STAG3: variants seen among roughly 807,000 people sequenced by gnomAD.
STAG3 encodes STAG3 cohesin complex component.
A neutral mutation model predicts 160.7 loss-of-function variants in STAG3; 101 were observed. That is an observed-to-expected ratio of 0.63 (90% CI 0.54 to 0.74). STAG3 has a LOEUF of 0.74. STAG3 is among the 30% of genes least tolerant of loss of function. STAG3 has a pLI of 0.00. For synonymous variants in STAG3, 519 were observed against 585.0 expected (o/e 0.89, Z 1.63); for missense variants, 1,188 against 1,517.4 (o/e 0.78, Z 3.61).
chr7:100,196,243 TA>T (rs1800680338), intron 9 of STAG3, among the ~76,000 whole-genome samples: 1 of 152,080 alleles, frequency 6.6e-6, no homozygotes, highest in Non-Finnish European at 1.5e-5. Context: ...AATGTGGAAT[TA>T]AAACACACTC....
chr7:100,186,056 C>G lies in STAG3; in HGVS notation c.337-144C>G, dbSNP rs570274351. 4 of 725,194 alleles carry G rather than the reference C, an allele frequency of 5.5e-6. No individual in the cohort carries two copies. The African/African-American group carries it at 7.1e-5, about 13-fold the overall frequency. 44.9% of individuals were successfully genotyped at this position (725,194 alleles called of 1,614,324 possible). Reference sequence around the variant, plus strand: ...ATTTTTGGCCTATATGAAATTTTACCTTTCATTCTAGTTCACCAGTACATT... The same window carrying G: ...ATTTTTGGCCTATATGAAATTTTACGTTTCATTCTAGTTCACCAGTACATT... On this transcript the variant is annotated intron_variant, in intron 4 of 33. Coordinates refer to ENST00000615138, the MANE Select transcript of STAG3 (RefSeq NM_001282717.2).
chr7:100,202,450 C>A lies in STAG3; in HGVS notation c.2564-4C>A. 1 of 1,612,640 alleles carries A rather than the reference C, an allele frequency of 6.2e-7. No individual in the cohort carries two copies. ...GATTCCCTTTTGCCTTCCATGTGAG[C>A]CAGGTGATTCCCAGGAGGATCATTT... On this transcript the variant is annotated splice_region_variant and splice_polypyrimidine_tract_variant and intron_variant, in intron 24 of 33. Transcript: ENST00000615138.
chr7:100,210,891 A>G (rs559684812), intron 29 of STAG3, 120 bp from the exon 30 acceptor site: 109 of 1,069,504 alleles, frequency 1.0e-4, no homozygotes, highest in East Asian at 9.2e-4. Flanking sequence ...ATGAAGCTGT[A>G]TAAGTTTTCC....
chr7:100,208,646 A>G (rs891970699), intron 29 of STAG3, among the ~76,000 whole-genome samples: 2 of 152,192 alleles, frequency 1.3e-5, no homozygotes, highest in African/African-American at 4.8e-5. Flanking sequence ...CGCTCTGCCT[A>G]AAGCGTAGGG....
chr7:100,198,088 AC>A lies in STAG3; in HGVS notation c.1168del (p.Arg390GlyfsTer21). 6.2e-7 allele frequency: 1 copy of A among 1,613,918 alleles called. No homozygotes were observed. The highest frequency in any genetic ancestry group is 1.1e-5 in the South Asian group (1 of 91,070). ...TGAGTGACTTTCTCCTTTCTGCAGG[AC>A]CGGATGGTTTCCATGGTCATGGACA... ...RLELFTSRFK[D>X]RMVSMVMDRE... On this transcript the variant is annotated frameshift_variant and splice_region_variant, in exon 12 of 34. Transcript: ENST00000615138. LOFTEE classifies it high-confidence loss of function.
Position 100,200,440 on chromosome 7 carries a change from TCAATCATC to T in STAG3, c.1771-12_1771-5del, listed in dbSNP as rs1459939985. On this transcript the variant is annotated splice_polypyrimidine_tract_variant and splice_region_variant and intron_variant, in intron 17 of 33. Coordinates refer to ENST00000615138, the MANE Select transcript of STAG3 (RefSeq NM_001282717.2). ...GTCAGCTTGTAAGGAGGCCTCCCTG[TCAATCATC>T]ACAGTTCTCAGCTGATGCAGAGAAG... The T allele has an allele frequency of 6.2e-7, 1 of 1,613,936 alleles. No homozygotes were observed. Among genetic ancestry groups the T allele is most frequent in the East Asian group, 2.2e-5 (1 of 44,874 alleles).
chr7:100,196,112 A>G (rs949224492), intron 9 of STAG3, among the ~76,000 whole-genome samples: 1 of 152,000 alleles, frequency 6.6e-6, no homozygotes, highest in Non-Finnish European at 1.5e-5. Flanking sequence ...CTAGGCAACA[A>G]GAGTGAAACT....
chr7:100,201,463 G>A (rs1360080736), intron 21 of STAG3, 112 bp downstream of exon 21: 3 of 931,288 alleles, frequency 3.2e-6, no homozygotes, highest in South Asian at 1.4e-5. Context: ...TGGACAAAGC[G>A]AGGAAGATCA....
intron 1 of STAG3, 80 bp downstream of exon 1, chr7:100,178,085 G>A (rs1322900814): frequency 2.0e-5 from 3 of 151,794 alleles, no homozygotes; most frequent in East Asian, 2.0e-4. Context: ...CCCAAGAATA[G>A]GCCCTCTCGC....
At chr7:100,181,069 G>A (rs142571315) in intron 2 of STAG3, among the ~76,000 whole-genome samples, 3 of 152,188 alleles carry the variant, frequency 2.0e-5, no homozygotes, top group African/African-American at 7.2e-5. Context: ...CCTGGTGGGG[G>A]CTGAGAGCTG....
chr7:100,213,688 C>G (rs767998993), intron 32 of STAG3, 47 bp from the exon 33 acceptor site: 1 of 1,613,712 alleles, frequency 6.2e-7, no homozygotes, highest in Non-Finnish European at 8.5e-7. Context: ...TGCGAAGTGA[C>G]AGGAGTGTGT....
chr7:100,200,341 C>G lies in STAG3; in HGVS notation c.1770+13C>G. 1 of 1,613,738 alleles carries G rather than the reference C, an allele frequency of 6.2e-7. No individual in the cohort carries two copies. The highest frequency in any genetic ancestry group is 8.5e-7 in the Non-Finnish European group (1 of 1,179,790). Reference sequence around the variant, plus strand: ...GCTCCTGGCCAAGGTACCGCTGCCCCTCCACTCTGCATCACACCAAGAGAA... The same window carrying G: ...GCTCCTGGCCAAGGTACCGCTGCCCGTCCACTCTGCATCACACCAAGAGAA... On this transcript the variant is annotated intron_variant, in intron 17 of 33. Transcript: ENST00000615138.
chr7:100,202,213 T>C lies in STAG3; in HGVS notation c.2436T>C (p.Pro812=), dbSNP rs769524381. Residue 812 remains proline (P), a synonymous_variant, in exon 24 of 34, where the codon CCT becomes CCC. Transcript: ENST00000615138. ...GTGATCTACTTCTCATCTTTAGCCC[T>C]CAGATGATTGTTGGGGGCCGTGATT... ...LLSDLLLIFS[P]QMIVGGRDFL... is the part of the protein sequence containing the mutation. 2 of 1,614,144 alleles carry C rather than the reference T, an allele frequency of 1.2e-6. No homozygotes were observed. The highest frequency in any genetic ancestry group is 1.7e-6 in the Non-Finnish European group (2 of 1,180,002).
Position 100,197,840 on chromosome 7 carries a change from G to A in STAG3, c.1128G>A (p.Leu376=), listed in dbSNP as rs756165402. 18 of 1,613,778 alleles carry A rather than the reference G, an allele frequency of 1.1e-5. No individual in the cohort carries two copies. The change falls in exon 11 of 34, where the codon CTG becomes CTA. Residue 376 remains leucine (L), a synonymous_variant. Coordinates refer to ENST00000615138, the MANE Select transcript of STAG3 (RefSeq NM_001282717.2). ...ALKGLYGNRD[L]TTRLELFTSR... ...AAGGGCTGTACGGTAACCGGGACCT[G>A]ACCACACGCCTGGAGCTCTTCACCA... is the stretch of plus-strand genomic sequence containing the variant.
At position 100,199,899 on chromosome 7, in the gene STAG3, CA is replaced by C. The variant is rs11383220; in HGVS notation, c.1677+272del. Among the ~76,000 whole-genome samples the C allele has an allele frequency of 6.1e-3, 747 of 122,248 alleles. 4 individuals are homozygous for C. Among genetic ancestry groups the C allele is most frequent in the African/African-American group, 0.013 (429 of 32,132 alleles). The allele number at this position is 122,248 out of a possible 152,430, so 80.2% of individuals were successfully genotyped here. ...TGAAACCCTGTCTCTACTAAAAATA[CA>C]AAAAAAAAAAAAAAAATTAGCTGGG... On this transcript the variant is annotated intron_variant, in intron 16 of 33. Transcript: ENST00000615138.
At chr7:100,201,000 C>T (rs1362115557) in intron 19 of STAG3, 31 bp downstream of exon 19, 2 of 1,613,882 alleles carry the variant, frequency 1.2e-6, no homozygotes, top group African/African-American at 2.7e-5. Flanking sequence ...ATGGGACACC[C>T]CAAACAAGGG....
In STAG3 at chr7:100,199,691, A is replaced by G; in HGVS notation, c.1677+47A>G. 1.4e-6 allele frequency: 2 copies of G among 1,396,150 alleles called. 1 individual carries two copies. The highest frequency in any genetic ancestry group is 2.8e-5 in the South Asian group (2 of 72,166). 86.5% of individuals were successfully genotyped at this position (1,396,150 alleles called of 1,614,324 possible). ...GGTAGGTCAGCAATACTCAGTCTTG[A>G]CAGGCAATGTGCATCCTTATCCCCC... On this transcript the variant is annotated intron_variant, in intron 16 of 33. Coordinates refer to ENST00000615138, the MANE Select transcript of STAG3 (RefSeq NM_001282717.2).
At chr7:100,197,732 T>TA in intron 10 of STAG3, 46 bp from the exon 11 acceptor site, 1 of 1,468,482 alleles carries the variant, frequency 6.8e-7, no homozygotes, top group African/African-American at 1.4e-5. Context: ...GCGAGTAGAG[T>TA]GTGGTTAGTC....
At chr7:100,209,442 A>G (rs1027288551) in intron 29 of STAG3, among the ~76,000 whole-genome samples, 3 of 152,230 alleles carry the variant, frequency 2.0e-5, no homozygotes, top group Admixed American at 6.5e-5. Context: ...TGCAGATTGT[A>G]GGACATGAGA....
Sources: gnomAD v4.1 joint callset for allele counts (sites outside exome capture counted in the v4.1 genomes callset) on GRCh38, gnomAD v4.1.1 for gene constraint, MANE v1.5 for transcripts, NCBI Gene and HGNC (gene_info 2026-07-23, HGNC 2026-07-21) for gene names.